HS3ST4: variants seen among roughly 807,000 people sequenced by gnomAD.
HS3ST4 encodes heparan sulfate glucosamine 3-O-sulfotransferase 4.
Under a neutral mutation model 29.2 loss-of-function variants are expected in HS3ST4, and 17 were observed. The observed-to-expected ratio is 0.58, with a 90% confidence interval of 0.40 to 0.87. The LOEUF is 0.87. Among genes scored for constraint, HS3ST4 ranks in the 40% least tolerant of loss-of-function variants. HS3ST4 has a pLI of 0.00. For synonymous variants in HS3ST4, 314 were observed against 285.7 expected, an observed-to-expected ratio of 1.10 and a Z score of -1.00; for missense variants, 627 against 634.5, an observed-to-expected ratio of 0.99 and a Z score of 0.13.
intron 1 of HS3ST4, among the ~76,000 whole-genome samples, chr16:25,781,410 GTTC>G (rs1242073989): frequency 2.0e-5 from 3 of 152,128 alleles, no homozygotes; most frequent in East Asian, 3.9e-4. Flanking sequence ...GTACTTACTA[GTTC>G]TTCTTCGGCC....
intron 1 of HS3ST4, among the ~76,000 whole-genome samples, chr16:26,051,897 C>T (rs1898351526): frequency 7.8e-6 from 1 of 128,166 alleles, no homozygotes; most frequent in South Asian, 3.0e-4. Context: ...TCCCTCCCTC[C>T]CTCCCTCCCT....
At position 25,825,173 on chromosome 16, in the gene HS3ST4, C is replaced by T. The variant is rs142188947; in HGVS notation, c.734+132022C>T. ...AGATTGCACTGATGCATCTACAAGT[C>T]AAAGAATGTCAAGGATTTCAGCAAC... On this transcript the variant is annotated intron_variant, in intron 1 of 1. Coordinates refer to ENST00000331351, the MANE Select transcript of HS3ST4 (RefSeq NM_006040.3). Among the ~76,000 whole-genome samples, 4 of 152,304 alleles carry T rather than the reference C, an allele frequency of 2.6e-5. No individual in the cohort carries two copies. In the East Asian group the frequency reaches 7.7e-4, roughly 29 times the overall value.
intron 1 of HS3ST4, among the ~76,000 whole-genome samples, chr16:25,732,449 A>G (rs1450765147): frequency 1.3e-5 from 2 of 152,204 alleles, no homozygotes; most frequent in African/African-American, 2.4e-5. Context: ...CCACCAAACA[A>G]TAAGAAATGC....
chr16:25,987,877 T>G (rs1290214600), intron 1 of HS3ST4, among the ~76,000 whole-genome samples: 1 of 152,128 alleles, frequency 6.6e-6, no homozygotes, highest in African/African-American at 2.4e-5. Context: ...TTCGGGAGAT[T>G]CTTCTGCATC....
At position 25,847,294 on chromosome 16, in the gene HS3ST4, C is replaced by T. The variant is rs980034822; in HGVS notation, c.734+154143C>T. On this transcript the variant is annotated intron_variant, in intron 1 of 1. Coordinates refer to ENST00000331351, the MANE Select transcript of HS3ST4 (RefSeq NM_006040.3). ...GTACCTGGTTCATAATTGGGATCCC[C>T]CCCATATAAATTGTTATTAATGCTT... Among the ~76,000 whole-genome samples, 7 of 152,036 alleles carry T rather than the reference C, an allele frequency of 4.6e-5. No homozygotes were observed. In the South Asian group the frequency reaches 6.2e-4, roughly 14 times the overall value.
intron 1 of HS3ST4, among the ~76,000 whole-genome samples, chr16:25,906,132 G>C (rs1451610793): frequency 6.6e-6 from 1 of 152,212 alleles, no homozygotes; most frequent in Non-Finnish European, 1.5e-5. Flanking sequence ...CTTGAAGCCT[G>C]AGAGGCATAA....
chr16:26,026,163 T>C (rs1281520311), intron 1 of HS3ST4, among the ~76,000 whole-genome samples: 2 of 152,214 alleles, frequency 1.3e-5, no homozygotes, highest in Non-Finnish European at 1.5e-5. Flanking sequence ...TGCCTCAGCC[T>C]CCCAAAGTGC....
At chr16:25,808,663 T>C (rs987737537) in intron 1 of HS3ST4, among the ~76,000 whole-genome samples, 3 of 152,194 alleles carry the variant, frequency 2.0e-5, no homozygotes, top group Non-Finnish European at 2.9e-5. Context: ...TGTGCAGTTT[T>C]TGATAGAAAT....
chr16:25,804,360 C>T (rs1367921422), intron 1 of HS3ST4, among the ~76,000 whole-genome samples: 4 of 152,088 alleles, frequency 2.6e-5, no homozygotes, highest in African/African-American at 7.2e-5. Context: ...ATGAAATTTC[C>T]CGTATTGTCA....
At chr16:25,743,164 G>A (rs1966665776) in intron 1 of HS3ST4, among the ~76,000 whole-genome samples, 1 of 152,198 alleles carries the variant, frequency 6.6e-6, no homozygotes, top group African/African-American at 2.4e-5. Flanking sequence ...AAGAGGCAGT[G>A]TAGCCTCCTG....
intron 1 of HS3ST4, among the ~76,000 whole-genome samples, chr16:25,939,885 C>T (rs968876374): frequency 6.6e-6 from 1 of 152,192 alleles, no homozygotes; most frequent in African/African-American, 2.4e-5. Context: ...GACTTTTCAG[C>T]TTTGCTGCCT....
At chr16:25,992,208 G>A (rs552890190) in intron 1 of HS3ST4, among the ~76,000 whole-genome samples, 7 of 152,198 alleles carry the variant, frequency 4.6e-5, no homozygotes, top group South Asian at 2.1e-4. Context: ...ATTATGATTC[G>A]TATGATTATG....
chr16:26,110,290 A>T (rs569681085), intron 1 of HS3ST4, among the ~76,000 whole-genome samples: 8 of 152,190 alleles, frequency 5.3e-5, no homozygotes, highest in African/African-American at 1.9e-4. Context: ...GTATACATAC[A>T]TCACATTTTC....
At chr16:25,852,176 C>G (rs1053720442) in intron 1 of HS3ST4, among the ~76,000 whole-genome samples, 3 of 152,126 alleles carry the variant, frequency 2.0e-5, no homozygotes, top group Admixed American at 6.6e-5. Flanking sequence ...AAATAGAGTC[C>G]TACTCTCTCT....
chr16:25,858,945 T>C (rs1184026695), intron 1 of HS3ST4, among the ~76,000 whole-genome samples: 2 of 152,128 alleles, frequency 1.3e-5, no homozygotes, highest in African/African-American at 4.8e-5. Flanking sequence ...CAACTTTTTG[T>C]CTTTCTTTAG....
At position 25,767,889 on chromosome 16, in the gene HS3ST4, C is replaced by T. The variant is rs563304340; in HGVS notation, c.734+74738C>T. 6.6e-5 allele frequency among the ~76,000 whole-genome samples: 10 copies of T among 152,320 alleles called. No homozygotes were observed. The South Asian group carries it at 2.1e-3, about 32-fold the overall frequency. ...TCTCTTTGGTTTCTTAATGGTGCCC[C>T]AGTCAATTAGTTCATTCCTAATATG... On this transcript the variant is annotated intron_variant, in intron 1 of 1. Transcript: ENST00000331351.
At chr16:25,745,919 C>T (rs1224164078) in intron 1 of HS3ST4, among the ~76,000 whole-genome samples, 11 of 152,142 alleles carry the variant, frequency 7.2e-5, no homozygotes, top group African/African-American at 2.2e-4. Context: ...TCAGATGTTA[C>T]GTTTGGCAAA....
At position 25,806,975 on chromosome 16, in the gene HS3ST4, T is replaced by TTTTTG. The variant is rs537616667; in HGVS notation, c.734+113835_734+113839dup. ...ACCACAGGGACCCCTTTTGTTGCCT[T>TTTTTG]TTTTGTTTTGTTTTGAGAGGGAGTT... is the stretch of plus-strand genomic sequence containing the variant. On this transcript the variant is annotated intron_variant, in intron 1 of 1. Coordinates refer to ENST00000331351, the MANE Select transcript of HS3ST4 (RefSeq NM_006040.3). Among the ~76,000 whole-genome samples the TTTTTG allele has an allele frequency of 5.7e-4, 86 of 152,108 alleles. 1 individual carries two copies. Among genetic ancestry groups the TTTTTG allele is most frequent in the African/African-American group, 2.0e-3 (82 of 41,524 alleles).
At chr16:25,873,396 AT>A (rs1967781467) in intron 1 of HS3ST4, among the ~76,000 whole-genome samples, 1 of 133,090 alleles carries the variant, frequency 7.5e-6, no homozygotes. Context: ...CCATCCATCC[AT>A]CCATCCATCC....
Sources: gnomAD v4.1 joint callset for allele counts (sites outside exome capture counted in the v4.1 genomes callset) on GRCh38, gnomAD v4.1.1 for gene constraint, MANE v1.5 for transcripts, NCBI Gene and HGNC (gene_info 2026-07-23, HGNC 2026-07-21) for gene names.